Variants in ITPKB observed in about 807,000 individuals in gnomAD.
ITPKB encodes the protein IP3 3-kinase B.
Under a neutral mutation model 69.4 loss-of-function variants are expected in ITPKB, and 13 were observed. The ratio of observed to expected loss-of-function variants is 0.19; its 90% CI spans 0.12 to 0.30. The LOEUF (loss-of-function observed/expected upper bound fraction) is 0.30, where lower values mean the gene tolerates loss of function less well. Among genes scored for constraint, ITPKB ranks in the 10% least tolerant of loss-of-function variants. The pLI is 1.00. For missense variants in ITPKB, 1,240 were observed against 1,250.5 expected (o/e 0.99, Z 0.13); for synonymous variants, 584 against 513.7 (o/e 1.14, Z -1.85).
At chr1:226,636,793 T>A (rs533094712) in intron 7 of ITPKB, among the ~76,000 whole-genome samples, 174 of 130,742 alleles carry the variant, frequency 1.3e-3, no homozygotes, top group Non-Finnish European at 2.0e-3. Flanking sequence ...TGTGTGTGTG[T>A]GAGACTGGGA....
rs756196892 is a variant in ITPKB, at chr1:226,637,385, G to C, written c.2625+294C>G. Among the ~76,000 whole-genome samples, 4 of 152,242 alleles carry C rather than the reference G, an allele frequency of 2.6e-5. No homozygotes were observed. The highest frequency in any genetic ancestry group is 5.9e-5 in the Non-Finnish European group (4 of 68,046). ...GCTTCTGCCCTGAGACCACGGGTGT[G>C]TGGGATATGAGTCCTGCCACCACTG... On this transcript the variant is annotated intron_variant, in intron 7 of 7. Transcript: ENST00000429204. This position sits in a 1 kb window ranked among gnomAD's most constrained non-coding sequence, Gnocchi z 4.3.
intron 2 of ITPKB, among the ~76,000 whole-genome samples, chr1:226,653,319 T>G (rs1437038555): frequency 6.6e-6 from 1 of 151,978 alleles, no homozygotes; most frequent in African/African-American, 2.4e-5. Context: ...CCCCTTCCAG[T>G]CTCGAGACAG....
chr1:226,660,596 CGA>C (rs1669383083), intron 2 of ITPKB, among the ~76,000 whole-genome samples: 1 of 152,116 alleles, frequency 6.6e-6, no homozygotes, highest in East Asian at 1.9e-4. Flanking sequence ...AGGAGAGAGG[CGA>C]GAGAGGAAGA....
At chr1:226,686,613 CATAACACA>C (rs1463275579) in intron 2 of ITPKB, among the ~76,000 whole-genome samples, 1 of 152,210 alleles carries the variant, frequency 6.6e-6, no homozygotes, top group Non-Finnish European at 1.5e-5. Context: ...CCAGCACAGA[CATAACACA>C]ACGTAAAACT....
Position 226,634,833 on chromosome 1 carries a change from C to T in ITPKB, c.2679G>A (p.Val893=). Residue 893 remains valine (V), a synonymous_variant, in exon 8 of 8, where the codon GTG becomes GTA. Transcript: ENST00000429204. The surrounding 1 kb of genome is among the most constrained non-coding windows in gnomAD (Gnocchi z 6.3). ...FIHDKKEQAK[V]WMIDFGKTTP... is the part of the protein sequence containing the mutation. ...TGGTTTTCCCAAAGTCGATCATCCA[C>T]ACTTTGGCCTGTTCCTTCTTGTCGT... is the stretch of plus-strand genomic sequence containing the variant. The T allele has an allele frequency of 6.2e-7, 1 of 1,613,968 alleles. No individual in the cohort carries two copies. The highest frequency in any genetic ancestry group is 1.1e-5 in the South Asian group (1 of 91,086).
rs776363141 is a variant in ITPKB at position 226,736,917 on chromosome 1, C to T, written c.542G>A (p.Arg181His). Residue 181 changes from arginine (R) to histidine (H), a missense_variant, in exon 2 of 8, where the codon CGC (arginine) becomes CAC (histidine). By Grantham distance (29) the Arg-to-His change is conservative. This residue lies in a region of ITPKB where 992 missense variants were observed against 853.8 expected (regional missense o/e 1.16). Coordinates refer to ENST00000429204, the MANE Select transcript of ITPKB (RefSeq NM_002221.4). ...RARSPSPCPF[R>H]SSSQPPGRVL... ...CCTTCCAGGGGGCTGACTGCTGCTG[C>T]GGAAGGGGCACGGGGAGGGCGAGCG... 10 of 1,610,318 alleles carry T rather than the reference C, an allele frequency of 6.2e-6. 1 individual carries two copies.
At chr1:226,701,421 G>A (rs539017382) in intron 2 of ITPKB, among the ~76,000 whole-genome samples, 52 of 151,680 alleles carry the variant, frequency 3.4e-4, no homozygotes, top group African/African-American at 1.1e-3. Flanking sequence ...TGGCTAACAC[G>A]GTGAAACCCC....
At chr1:226,725,191 T>A (rs1209767689) in intron 2 of ITPKB, among the ~76,000 whole-genome samples, 1 of 152,250 alleles carries the variant, frequency 6.6e-6, no homozygotes, top group Non-Finnish European at 1.5e-5. Context: ...ATATGTCTAT[T>A]GGCATTAACT....
intron 2 of ITPKB, among the ~76,000 whole-genome samples, chr1:226,682,277 G>T: frequency 6.6e-6 from 1 of 152,178 alleles, no homozygotes; most frequent in East Asian, 1.9e-4. Flanking sequence ...AGAACCACTG[G>T]ACACCATTGG....
intron 2 of ITPKB, among the ~76,000 whole-genome samples, chr1:226,667,526 G>A (rs926521352): frequency 3.3e-5 from 5 of 152,164 alleles, no homozygotes; most frequent in African/African-American, 9.7e-5. Context: ...CACAACCAGG[G>A]CCAGCCCATC....
At chr1:226,708,000 C>A in intron 2 of ITPKB, 1 of 784,814 alleles carries the variant, frequency 1.3e-6, no homozygotes, top group Non-Finnish European at 1.8e-6. Flanking sequence ...TGGAAACTAC[C>A]CACCAAAGGT....
intron 2 of ITPKB, among the ~76,000 whole-genome samples, chr1:226,733,053 G>A (rs868556477): frequency 4.4e-4 from 67 of 152,312 alleles, no homozygotes; most frequent in African/African-American, 1.4e-3. Flanking sequence ...CTGAGGGCCA[G>A]GGGTTGGTTA....
chr1:226,667,849 TGTGTGCGCGCGC>T (rs1309454572), intron 2 of ITPKB, among the ~76,000 whole-genome samples: 1 of 151,862 alleles, frequency 6.6e-6, no homozygotes, highest in Non-Finnish European at 1.5e-5. Flanking sequence ...TGTGTGTGTG[TGTGTGCGCGCGC>T]GCGTGCGAAG....
At chr1:226,729,621 C>T (rs571273638) in intron 2 of ITPKB, among the ~76,000 whole-genome samples, 54 of 151,904 alleles carry the variant, frequency 3.6e-4, no homozygotes, top group Non-Finnish European at 6.8e-4. Context: ...CTCTGTCACC[C>T]AGGCTGGAGT....
At chr1:226,701,602 T>C (rs1384061838) in intron 2 of ITPKB, among the ~76,000 whole-genome samples, 1 of 33,242 alleles carries the variant, frequency 3.0e-5, no homozygotes, top group Non-Finnish European at 4.7e-5. Flanking sequence ...AGACTCCGTC[T>C]CAAAAAAAAA....
intron 2 of ITPKB, among the ~76,000 whole-genome samples, chr1:226,718,469 C>T (rs1283965657): frequency 1.3e-5 from 2 of 151,962 alleles, no homozygotes; most frequent in Non-Finnish European, 2.9e-5. Flanking sequence ...GTGCTGCATA[C>T]CTGTTGTCCT....
rs766591369 is a variant in ITPKB at position 226,631,696 on chromosome 1, C to A, written c.*2975G>T. On this transcript the variant is annotated 3_prime_UTR_variant, in exon 8 of 8. Transcript: ENST00000429204. ...ATCACACCACAGACAGCGCTGGTCT[C>A]CAAGGCTTTATTCAGGAAGGTTTGC... The A allele has an allele frequency of 8.5e-5, 13 of 152,726 alleles. No homozygotes were observed. Among genetic ancestry groups the A allele is most frequent in the Non-Finnish European group, 1.5e-4 (10 of 68,130 alleles). 9.5% of individuals were successfully genotyped at this position (152,726 alleles called of 1,614,324 possible). A position where few individuals can be genotyped will look rare whatever the true frequency, so the allele number is the denominator to read the frequency against.
intron 2 of ITPKB, among the ~76,000 whole-genome samples, chr1:226,718,042 C>T (rs1657136941): frequency 6.6e-6 from 1 of 152,076 alleles, no homozygotes; most frequent in Non-Finnish European, 1.5e-5. Flanking sequence ...CGCCTGTAAT[C>T]CCCAACACTT....
chr1:226,674,879 GT>G (rs1669696229), intron 2 of ITPKB: 1 of 152,182 alleles, frequency 6.6e-6, no homozygotes, highest in African/African-American at 2.4e-5. Context: ...TGAGCTTCCT[GT>G]TTACCCACAA....
Sources: allele counts gnomAD v4.1 joint callset (sites outside exome capture counted in the v4.1 genomes callset), GRCh38; gene constraint gnomAD v4.1.1; regional missense constraint gnomAD v4.1.1; non-coding constraint Gnocchi (gnomAD v3.1); transcripts MANE v1.5; gene names NCBI Gene and HGNC (gene_info 2026-07-23, HGNC 2026-07-21).